Variants in TSC2 observed in about 807,000 individuals in gnomAD.
TSC2 encodes TSC complex subunit 2.
TSC2 carries 29 observed loss-of-function variants against 202.2 expected under a neutral mutation model. The ratio of observed to expected loss-of-function variants is 0.14; its 90% CI spans 0.11 to 0.20. The LOEUF is 0.20. Among genes scored for constraint, TSC2 ranks in the 10% least tolerant of loss-of-function variants. The pLI is 1.00. For synonymous variants in TSC2, 1,349 were observed against 1,044.0 expected (o/e 1.29, Z -5.63); for missense variants, 2,429 against 2,420.0 (o/e 1.00, Z -0.08).
intron 3 of TSC2, among the ~76,000 whole-genome samples, chr16:2,053,001 C>T (rs568405630): frequency 1.3e-5 from 2 of 152,324 alleles, no homozygotes; most frequent in East Asian, 3.9e-4. Flanking sequence ...CCATGACTTC[C>T]TGCCAGCATT....
intron 2 of TSC2, among the ~76,000 whole-genome samples, chr16:2,049,184 C>T (rs1356138684): frequency 6.6e-6 from 1 of 152,058 alleles, no homozygotes; most frequent in Non-Finnish European, 1.5e-5. Context: ...CTCCCAGTTT[C>T]AAGTGGTTCT....
chr16:2,073,027 A>T (rs1371948048), intron 21 of TSC2, 44 bp downstream of exon 21: 1 of 1,612,574 alleles, frequency 6.2e-7, no homozygotes, highest in Non-Finnish European at 8.5e-7. Context: ...GGGGCCTGGG[A>T]TTCGAGGGCC....
At chr16:2,078,255 T>TG (rs1426740831) in intron 26 of TSC2, 1 of 171,880 alleles carries the variant, frequency 5.8e-6, no homozygotes. Context: ...CCGCAGTGTC[T>TG]GGGTGCAGGT....
In TSC2 at chr16:2,059,520, T is replaced by G. The variant is rs865940223; in HGVS notation, c.975+647T>G. ...GTGCCTGGCTAATGGTTTTTTTTTT[T>G]TTTTTTTTTTTTTAATGGGACAGAG... On this transcript the variant is annotated intron_variant, in intron 10 of 41. Coordinates refer to ENST00000219476, the MANE Select transcript of TSC2 (RefSeq NM_000548.5). Among the ~76,000 whole-genome samples, 124 of 145,562 alleles carry G rather than the reference T, an allele frequency of 8.5e-4. No individual in the cohort carries two copies. In the Middle Eastern group the frequency reaches 0.024, roughly 28 times the overall value.
intron 14 of TSC2, 53 bp downstream of exon 14, chr16:2,063,106 G>T (rs992060423): frequency 1.9e-6 from 3 of 1,543,472 alleles, no homozygotes; most frequent in Non-Finnish European, 1.8e-6. Flanking sequence ...CTCCGTGGGC[G>T]GGCTGTCTCT....
At position 2,084,230 on chromosome 16, in the gene TSC2, G is replaced by T. The variant is rs760704956; in HGVS notation, c.4008G>T (p.Ser1336=). The T allele has an allele frequency of 1.9e-6, 3 of 1,587,234 alleles. No individual in the cohort carries two copies. The highest frequency in any genetic ancestry group is 1.7e-6 in the Non-Finnish European group (2 of 1,166,032). Residue 1336 remains serine, a splice_region_variant and synonymous_variant, in exon 34 of 42, where the codon TCG becomes TCT. Coordinates refer to ENST00000219476, the MANE Select transcript of TSC2 (RefSeq NM_000548.5). ...CTCTTTGGGATGGTCCTTTCTAGTC[G>T]TCCTCAGTCTCCAGCCAGGAGGAGA... is the stretch of plus-strand genomic sequence containing the variant. ...MDRRTDAYSR[S]SSVSSQEEKS... is the part of the protein sequence containing the mutation.
intron 16 of TSC2, among the ~76,000 whole-genome samples, chr16:2,070,051 C>A (rs956695278): frequency 3.3e-5 from 5 of 152,182 alleles, no homozygotes; most frequent in Admixed American, 2.0e-4. Flanking sequence ...CTGCTGGCCT[C>A]GGCCCCAGGG....
chr16:2,058,159 C>G lies in TSC2; in HGVS notation c.849-588C>G, dbSNP rs2086132425. Among the ~76,000 whole-genome samples, 12 of 151,556 alleles carry G rather than the reference C, an allele frequency of 7.9e-5. No individual in the cohort carries two copies. In the South Asian group the frequency reaches 2.5e-3, roughly 32 times the overall value. On this transcript the variant is annotated intron_variant, in intron 9 of 41. Coordinates refer to ENST00000219476, the MANE Select transcript of TSC2 (RefSeq NM_000548.5). ...TCTCTCCCTCCCTCCTCCCGTAGAA[C>G]CAGGCCCTGGGGGCCAGCCCTGCCT...
chr16:2,078,760 G>T lies in TSC2; in HGVS notation c.2967-272G>T, dbSNP rs557454523. On this transcript the variant is annotated intron_variant, in intron 26 of 41. Transcript: ENST00000219476. ...CAGGAGGCCGTAACCTAGTGCTCCC[G>T]TGGGCTTCGGTGAGGGGGATGTCGG... 1.1e-5 allele frequency: 6 copies of T among 527,034 alleles called. No homozygotes were observed. In the East Asian group the frequency reaches 2.0e-4, roughly 18 times the overall value. The allele number at this position is 527,034 out of a possible 1,614,324, so 32.6% of individuals were successfully genotyped here. A position where few individuals can be genotyped will look rare whatever the true frequency, so the allele number is the denominator to read the frequency against.
intron 16 of TSC2, 55 bp from the exon 17 acceptor site, chr16:2,070,401 T>G: frequency 8.7e-6 from 14 of 1,612,598 alleles, no homozygotes; most frequent in Non-Finnish European, 1.2e-5. Context: ...GGGTGCTGTC[T>G]TAGGACTGCG....
At chr16:2,086,501 G>A (rs368105122) in intron 37 of TSC2, 122 bp downstream of exon 37, 7 of 1,457,710 alleles carry the variant, frequency 4.8e-6, no homozygotes, top group South Asian at 2.4e-5. Flanking sequence ...AGCTCCCCAC[G>A]CCTCAGGTTC....
rs141609319 is a variant in TSC2, at chr16:2,062,580, G to T, written c.1341G>T (p.Ala447=). 2 of 1,610,102 alleles carry T rather than the reference G, an allele frequency of 1.2e-6. No individual in the cohort carries two copies. Among genetic ancestry groups the T allele is most frequent in the African/African-American group, 1.3e-5 (1 of 75,006 alleles). Residue 447 remains alanine (A), a synonymous_variant, in exon 13 of 42, where the codon GCG becomes GCT. Coordinates refer to ENST00000219476, the MANE Select transcript of TSC2 (RefSeq NM_000548.5). ...AKDGWIQNLQ[A]LMERFFRSES... ...ACGGCTGGATTCAGAACCTGCAGGC[G>T]CTGATGGAGAGATTCTTCAGGTAGG... is the stretch of plus-strand genomic sequence containing the variant.
intron 10 of TSC2, among the ~76,000 whole-genome samples, chr16:2,059,126 C>T (rs1421240221): frequency 6.6e-6 from 1 of 150,508 alleles, no homozygotes; most frequent in Non-Finnish European, 1.5e-5. Flanking sequence ...TCAAGTGATT[C>T]TATTGCCTCA....
chr16:2,086,921 C>T (rs1567125189), intron 38 of TSC2, 50 bp downstream of exon 38: 3 of 1,550,880 alleles, frequency 1.9e-6, no homozygotes, highest in Non-Finnish European at 2.6e-6. Flanking sequence ...GTGCCCACTG[C>T]TGTGTCCCGG....
intron 1 of TSC2, 41 bp downstream of exon 1, chr16:2,048,106 G>A: frequency 6.8e-7 from 1 of 1,466,980 alleles, no homozygotes; most frequent in South Asian, 1.4e-5. Context: ...GGTCCCCACG[G>A]GGCAGCGGCC....
chr16:2,054,094 C>A, intron 4 of TSC2: 3 of 739,744 alleles, frequency 4.1e-6, no homozygotes, highest in Non-Finnish European at 6.6e-6. Flanking sequence ...GCTCCCCATA[C>A]GCCGCTCTGC....
chr16:2,048,607 T>G lies in TSC2; in HGVS notation c.-9T>G. On this transcript the variant is annotated 5_prime_UTR_variant, in exon 2 of 42. Coordinates refer to ENST00000219476, the MANE Select transcript of TSC2 (RefSeq NM_000548.5). ...CACAGAGGGGTTTTCTGGTGCGTCCTGGTCCACCATGGCCAAACCAACAAG... is the reference window on the plus strand; with the variant it reads ...CACAGAGGGGTTTTCTGGTGCGTCCGGGTCCACCATGGCCAAACCAACAAG... The G allele has an allele frequency of 6.2e-7, 1 of 1,613,820 alleles. No individual in the cohort carries two copies. The highest frequency in any genetic ancestry group is 8.5e-7 in the Non-Finnish European group (1 of 1,180,036).
Position 2,088,768 on chromosome 16 carries a change from C to T in TSC2, c.*158C>T, listed in dbSNP as rs1003558653. The stretch of plus-strand genomic sequence containing the variant: ...CTTGGTGCGGGGGTTGGGGGGGTGT[C>T]GAGGCTCTAGAAGCGGCCATGCCCA... On this transcript the variant is annotated 3_prime_UTR_variant, in exon 42 of 42. Coordinates refer to ENST00000219476, the MANE Select transcript of TSC2 (RefSeq NM_000548.5). 199 of 1,069,298 alleles carry T rather than the reference C, an allele frequency of 1.9e-4. No individual in the cohort carries two copies. Among genetic ancestry groups the T allele is most frequent in the South Asian group, 2.7e-4 (17 of 62,548 alleles). 66.2% of individuals were successfully genotyped at this position (1,069,298 alleles called of 1,614,324 possible). A position where few individuals can be genotyped will look rare whatever the true frequency, so the allele number is the denominator to read the frequency against.
At chr16:2,055,890 CAAAAAAAAAAA>C in intron 6 of TSC2, 6 of 265,178 alleles carry the variant, frequency 2.3e-5, no homozygotes, top group Non-Finnish European at 3.5e-5. Flanking sequence ...AACTCCATCT[CAAAAAAAAAAA>C]AAAAAAAAGA....
Sources: allele counts gnomAD v4.1 joint callset (sites outside exome capture counted in the v4.1 genomes callset), GRCh38; gene constraint gnomAD v4.1.1; transcripts MANE v1.5; gene names NCBI Gene and HGNC (gene_info 2026-07-23, HGNC 2026-07-21).